The following CSPG4 variants were observed in gnomAD, a reference collection of about 807,000 sequenced individuals.
CSPG4 encodes the protein chondroitin sulfate proteoglycan 4 (melanoma-associated).
In CSPG4, 74 loss-of-function variants were observed where a neutral mutation model predicts 139.3. The ratio of observed to expected loss-of-function variants is 0.53; its 90% confidence interval spans 0.44 to 0.64. The LOEUF (loss-of-function observed/expected upper bound fraction) is 0.64. CSPG4 is among the 30% of genes least tolerant of loss of function. The pLI is 0.00. For missense variants in CSPG4, 2,565 were observed against 3,148.3 expected, an observed-to-expected ratio of 0.81 and a Z score of 4.43; for synonymous variants, 1,234 against 1,394.2, an observed-to-expected ratio of 0.89 and a Z score of 2.56.
At chr15:75,703,000 C>A (rs971636219) in intron 1 of CSPG4, among the ~76,000 whole-genome samples, 2 of 133,310 alleles carry the variant, frequency 1.5e-5, no homozygotes, top group Non-Finnish European at 3.2e-5. Flanking sequence ...GTGAGGGGAG[C>A]GGAACATTTC....
chr15:75,685,672 G>A lies in CSPG4; in HGVS notation c.3819C>T (p.Asp1273=), dbSNP rs777182361. The change falls in exon 4 of 10, where the codon GAC becomes GAT. Residue 1273 remains aspartate (D), a synonymous_variant. Transcript: ENST00000308508. Reference sequence around the variant, plus strand: ...GTGGGCTCTTCACTGAGAATACGATGTCTGCAGGTGGCACTGCCTCCTGGG... The same window carrying A: ...GTGGGCTCTTCACTGAGAATACGATATCTGCAGGTGGCACTGCCTCCTGGG... The part of the protein sequence containing the change: ...EAAQEAVPPA[D]IVFSVKSPPS... 9.4e-6 allele frequency: 15 copies of A among 1,601,894 alleles called. No individual in the cohort carries two copies. In the African/African-American group the frequency reaches 1.3e-4, roughly 14 times the overall value.
Position 75,696,820 on chromosome 15 carries a change from C to T in CSPG4, c.89-3587G>A, listed in dbSNP as rs1385141123. Among the ~76,000 whole-genome samples, 1 of 152,200 alleles carries T rather than the reference C, an allele frequency of 6.6e-6. No individual in the cohort carries two copies. The highest frequency in any genetic ancestry group is 1.9e-4 in the East Asian group (1 of 5,194). Reference sequence around the variant, plus strand: ...TGGGGGCACAGAAAAAGCCTGTTTCCTTCCCTGCCAAGTCCCTTCTCAGGG... The same window carrying T: ...TGGGGGCACAGAAAAAGCCTGTTTCTTTCCCTGCCAAGTCCCTTCTCAGGG... On this transcript the variant is annotated intron_variant, in intron 1 of 9. Coordinates refer to ENST00000308508, the MANE Select transcript of CSPG4 (RefSeq NM_001897.5). This position sits in a 1 kb window ranked among gnomAD's most constrained non-coding sequence, Gnocchi z 4.2.
At position 75,690,515 on chromosome 15, in the gene CSPG4, G is replaced by C. The variant is rs748891546; in HGVS notation, c.550C>G (p.Leu184Val). 6.2e-7 allele frequency: 1 copy of C among 1,609,582 alleles called. No individual in the cohort carries two copies. The highest frequency in any genetic ancestry group is 8.5e-7 in the Non-Finnish European group (1 of 1,179,018). Residue 184 changes from leucine to valine, a missense_variant, in exon 3 of 10, where the codon CTG (leucine) becomes GTG (valine). By Grantham distance (32) the Leu-to-Val change is conservative. Transcript: ENST00000308508. ...CAGCCCTCATGCACATCGGGGGTCA[G>C]AGGCCGGAGGAGGCTGCGGCCATTG... ...TLNGRSLLRP[L>V]TPDVHEGCAE...
upstream of CSPG4, chr15:75,712,962 C>T (rs866409462): frequency 7.5e-6 from 4 of 530,454 alleles, no homozygotes; most frequent in Middle Eastern, 4.9e-4. Context: ...CCTCAACCTT[C>T]TTAAAGGGCC....
chr15:75,676,327 G>A lies in CSPG4; in HGVS notation c.6192C>T (p.Asp2064=). The A allele has an allele frequency of 6.2e-7, 1 of 1,611,568 alleles. No homozygotes were observed. The stretch of plus-strand genomic sequence containing the variant: ...GCTCGCCAGCATCTAGGACGGTGGG[G>A]TCCAGGCGCAGGGTGGCACCCTGGG... ...PWPQGATLRL[D]PTVLDAGELA... The change falls in exon 10 of 10, where the codon GAC becomes GAT. Residue 2064 remains aspartate (D), a synonymous_variant. Transcript: ENST00000308508.
At chr15:75,703,400 A>G (rs535976275) in intron 1 of CSPG4, among the ~76,000 whole-genome samples, 136 of 151,988 alleles carry the variant, frequency 8.9e-4, no homozygotes, top group African/African-American at 3.2e-3. Context: ...CTTCCGTCCC[A>G]TAGAGTCTTC....
chr15:75,695,377 G>C (rs1894212268), intron 1 of CSPG4, among the ~76,000 whole-genome samples: 1 of 152,172 alleles, frequency 6.6e-6, no homozygotes, highest in African/African-American at 2.4e-5. Flanking sequence ...AGGAAGTAGA[G>C]GTACTTTCCA....
chr15:75,695,489 C>T (rs1454788765), intron 1 of CSPG4, among the ~76,000 whole-genome samples: 3 of 152,116 alleles, frequency 2.0e-5, no homozygotes, highest in South Asian at 2.1e-4. Flanking sequence ...GCTGCTGGAG[C>T]GCGTGGCCAG....
At chr15:75,686,922 C>T (rs1255143999) in intron 3 of CSPG4, among the ~76,000 whole-genome samples, 1 of 152,174 alleles carries the variant, frequency 6.6e-6, no homozygotes, top group South Asian at 2.1e-4. Flanking sequence ...CCCCAAAGCT[C>T]AGGACCCGTG....
At position 75,689,416 on chromosome 15, in the gene CSPG4, T is replaced by C. The variant is rs765942819; in HGVS notation, c.1649A>G (p.Asn550Ser). ...YLLPIQVNPV[N>S]DPPHIIFPHG... Reference sequence around the variant, plus strand: ...TGGGAAGATGATGTGGGGTGGGTCATTGACAGGGTTGACCTGGATGGGCAG... The same window carrying C: ...TGGGAAGATGATGTGGGGTGGGTCACTGACAGGGTTGACCTGGATGGGCAG... Residue 550 changes from asparagine to serine, a missense_variant, in exon 3 of 10, where the codon AAT becomes AGT. By Grantham distance (46) the Asn-to-Ser change is conservative (BLOSUM62 1). Coordinates refer to ENST00000308508, the MANE Select transcript of CSPG4 (RefSeq NM_001897.5). 6.8e-6 allele frequency: 11 copies of C among 1,612,654 alleles called. No individual in the cohort carries two copies. In the South Asian group the frequency reaches 1.2e-4, roughly 18 times the overall value.
At chr15:75,711,896 C>G (rs908102587) in intron 1 of CSPG4, among the ~76,000 whole-genome samples, 4 of 152,066 alleles carry the variant, frequency 2.6e-5, no homozygotes, top group Middle Eastern at 3.2e-3. Context: ...TCTCGGAAAG[C>G]GAACTTCCAT....
rs1894463876 is a variant in CSPG4 at position 75,712,749 on chromosome 15, A to T, written c.7T>A (p.Ser3Thr). Residue 3 changes from serine to threonine, a missense_variant, in exon 1 of 10, where the codon TCC becomes ACC. Ser to Thr is a moderately conservative substitution (Grantham distance 58, BLOSUM62 1). Transcript: ENST00000308508. ...GCTGGAAGTGGGGGCCGCGGCCCGG[A>T]CTGCATCCCGGCGGGCTGGGCGGCA... is the stretch of plus-strand genomic sequence containing the variant. The part of the protein sequence containing the change: MQ[S>T]GPRPPLPAPG... 1 of 1,547,716 alleles carries T rather than the reference A, an allele frequency of 6.5e-7. No homozygotes were observed. The highest frequency in any genetic ancestry group is 8.7e-7 in the Non-Finnish European group (1 of 1,145,936).
Position 75,676,890 on chromosome 15 carries a change from G to A in CSPG4, c.5629C>T (p.His1877Tyr). 2 of 1,591,302 alleles carry A rather than the reference G, an allele frequency of 1.3e-6. No homozygotes were observed. Among genetic ancestry groups the A allele is most frequent in the Non-Finnish European group, 1.7e-6 (2 of 1,169,972 alleles). ...EIEYEVQRAP[H>Y]NGFLSLVGGG... ...CCCACCAGGCTGAGGAAGCCGTTGT[G>A]GGGTGCCCGCTGGACCTCGTACTCA... is the stretch of plus-strand genomic sequence containing the variant. Residue 1877 changes from histidine to tyrosine, a missense_variant, in exon 10 of 10, where the codon CAC (histidine) becomes TAC (tyrosine). Coordinates refer to ENST00000308508, the MANE Select transcript of CSPG4 (RefSeq NM_001897.5).
chr15:75,688,950 C>T lies in CSPG4; in HGVS notation c.2115G>A (p.Gly705=), dbSNP rs1277410692. 6 of 1,612,576 alleles carry T rather than the reference C, an allele frequency of 3.7e-6. No individual in the cohort carries two copies. The highest frequency in any genetic ancestry group is 1.3e-5 in the African/African-American group (1 of 75,046). The change falls in exon 3 of 10, where the codon GGG becomes GGA. Residue 705 remains glycine, a synonymous_variant. Coordinates refer to ENST00000308508, the MANE Select transcript of CSPG4 (RefSeq NM_001897.5). ...TCTGCAGCTCCCCAAACTGCAGGGC[C>T]CCAGTGACGCGGAACAGCACGCTCA... ...QDVSVLFRVT[G]ALQFGELQKQ...
In CSPG4 at chr15:75,687,437, T is replaced by G. The variant is rs1204896460; in HGVS notation, c.3628A>C (p.Thr1210Pro). The G allele has an allele frequency of 1.2e-6, 2 of 1,612,730 alleles. No individual in the cohort carries two copies. The highest frequency in any genetic ancestry group is 1.7e-6 in the Non-Finnish European group (2 of 1,179,780). Residue 1210 changes from threonine (T) to proline (P), a missense_variant, in exon 3 of 10, where the codon ACC (threonine) becomes CCC (proline). Thr to Pro is a conservative substitution (Grantham distance 38). Coordinates refer to ENST00000308508, the MANE Select transcript of CSPG4 (RefSeq NM_001897.5). The surrounding 1 kb of genome is among the most constrained non-coding windows in gnomAD (Gnocchi z 5.4). ...CCTGCTTCCACGGAGAAGGCCATGG[T>G]GTCGCGGGGGCTGAGGCTGCCATTG... ...SHNGSLSPRDTMAFSVEAGPV... is the reference protein window; with the variant it reads ...SHNGSLSPRDPMAFSVEAGPV...
At chr15:75,680,488 G>A (rs557297272) in intron 8 of CSPG4, 4 of 152,432 alleles carry the variant, frequency 2.6e-5, no homozygotes, top group Non-Finnish European at 2.9e-5. Context: ...CACGTCTGTG[G>A]GCCAGATCTG....
chr15:75,686,385 C>A (rs1309139249), intron 3 of CSPG4, among the ~76,000 whole-genome samples: 1 of 152,206 alleles, frequency 6.6e-6, no homozygotes. Context: ...TCAGAGGGCG[C>A]CCCGCCCCAC....
In CSPG4 at chr15:75,698,874, C is replaced by T. The variant is rs762000806; in HGVS notation, c.89-5641G>A. 2.0e-5 allele frequency among the ~76,000 whole-genome samples: 3 copies of T among 152,118 alleles called. No homozygotes were observed. The highest frequency in any genetic ancestry group is 4.4e-5 in the Non-Finnish European group (3 of 68,022). On this transcript the variant is annotated intron_variant, in intron 1 of 9. Coordinates refer to ENST00000308508, the MANE Select transcript of CSPG4 (RefSeq NM_001897.5). This position sits in a 1 kb window ranked among gnomAD's most constrained non-coding sequence, Gnocchi z 4.3. ...GTAGGTTACAGGGGAGACTTAAGGT[C>T]AGACTAAGGGGAGCGACCTGCCCAG...
chr15:75,694,850 C>T (rs565756780), intron 1 of CSPG4, among the ~76,000 whole-genome samples: 20 of 152,348 alleles, frequency 1.3e-4, no homozygotes, highest in East Asian at 3.9e-4. Flanking sequence ...CTGCAGGTGG[C>T]GGCCACCTAC....
Sources: gnomAD v4.1 joint callset for allele counts (sites outside exome capture counted in the v4.1 genomes callset) on GRCh38, gnomAD v4.1.1 for gene constraint, Gnocchi (gnomAD v3.1) non-coding constraint, MANE v1.5 for transcripts, NCBI Gene and HGNC (gene_info 2026-07-23, HGNC 2026-07-21) for gene names.